Variants in MED31 observed in about 807,000 individuals in gnomAD.
MED31 encodes mediator of RNA polymerase II transcription subunit 31.
Under a neutral mutation model 22.0 loss-of-function variants are expected in MED31, and 11 were observed. The observed-to-expected ratio is 0.50, with a 90% CI of 0.31 to 0.83. The LOEUF (loss-of-function observed/expected upper bound fraction) is 0.83. MED31 is among the 40% of genes least tolerant of loss of function. The pLI, the probability that MED31 is intolerant of heterozygous loss-of-function variation, is 0.04. For synonymous variants in MED31, 60 were observed against 55.1 expected, an observed-to-expected ratio of 1.09 and a Z score of -0.40; for missense variants, 122 against 155.3, an observed-to-expected ratio of 0.79 and a Z score of 1.14.
intron 3 of MED31, among the ~76,000 whole-genome samples, chr17:6,647,516 AG>A (rs1421122836): frequency 6.6e-6 from 1 of 152,248 alleles, no homozygotes; most frequent in African/African-American, 2.4e-5. Flanking sequence ...GTGGGGCCTG[AG>A]CTCTGCATTT....
In MED31 at chr17:6,644,136, G is replaced by A. The variant is rs979708490; in HGVS notation, c.*331C>T. ...TATATGTCAGGAACAGCTAGCCTTA[G>A]AATTCAGTATACTTGGTGGCCCACC... is the stretch of plus-strand genomic sequence containing the variant. On this transcript the variant is annotated 3_prime_UTR_variant, in exon 4 of 4. Transcript: ENST00000225728. 16 of 421,558 alleles carry A rather than the reference G, an allele frequency of 3.8e-5. No homozygotes were observed. The highest frequency in any genetic ancestry group is 3.3e-4 in the African/African-American group (16 of 48,906). 26.1% of individuals were successfully genotyped at this position (421,558 alleles called of 1,614,324 possible). A position where few individuals can be genotyped will look rare whatever the true frequency, so the allele number is the denominator to read the frequency against.
intron 1 of MED31, among the ~76,000 whole-genome samples, chr17:6,651,095 T>C (rs1222217851): frequency 3.8e-5 from 4 of 106,560 alleles, no homozygotes; most frequent in East Asian, 2.5e-4. Flanking sequence ...CACCCCAGCC[T>C]GGGCGACAGA....
chr17:6,646,093 CTAAG>C (rs1168361791), intron 3 of MED31, among the ~76,000 whole-genome samples: 1 of 152,104 alleles, frequency 6.6e-6, no homozygotes, highest in Non-Finnish European at 1.5e-5. Flanking sequence ...TGAAAGGAGA[CTAAG>C]AAGACATGAC....
In MED31 at chr17:6,651,576, C is replaced by T; in HGVS notation, c.-48G>A. The T allele has an allele frequency of 1.2e-6, 2 of 1,612,892 alleles. No individual in the cohort carries two copies. The highest frequency in any genetic ancestry group is 1.7e-6 in the Non-Finnish European group (2 of 1,179,408). On this transcript the variant is annotated 5_prime_UTR_variant, in exon 1 of 4. Transcript: ENST00000225728. ...CCACCAGCCTGACAGAGCAAAAGCC[C>T]AGAGACGCGGGCGAAGTTCCGGAAA...
intron 3 of MED31, among the ~76,000 whole-genome samples, chr17:6,648,532 G>C (rs992415815): frequency 6.6e-6 from 1 of 152,150 alleles, no homozygotes; most frequent in Non-Finnish European, 1.5e-5. Context: ...ATTTGAAAGA[G>C]TAGCTGGAAA....
Position 6,650,402 on chromosome 17 carries a change from C to T in MED31, c.60G>A (p.Leu20=), listed in dbSNP as rs1447940928. 9.9e-6 allele frequency: 16 copies of T among 1,614,098 alleles called. No homozygotes were observed. The highest frequency in any genetic ancestry group is 1.4e-5 in the Non-Finnish European group (16 of 1,180,004). The stretch of plus-strand genomic sequence containing the variant: ...CTAAACATTGCACAAATTCCAACTC[C>T]AACTGAAACCGAAGTCGATTTCCAG... ...DDAGNRLRFQ[L]ELEFVQCLAN... The change falls in exon 2 of 4, where the codon TTG becomes TTA. Residue 20 remains leucine, a synonymous_variant. Transcript: ENST00000225728.
At chr17:6,647,254 T>C (rs933035269) in intron 3 of MED31, among the ~76,000 whole-genome samples, 2 of 152,332 alleles carry the variant, frequency 1.3e-5, no homozygotes, top group East Asian at 3.9e-4. Context: ...GCCGGTCCCC[T>C]GGGCCCACTG....
rs367692129 is a variant in MED31 at position 6,644,450 on chromosome 17, C to T, written c.*17G>A. On this transcript the variant is annotated 3_prime_UTR_variant, in exon 4 of 4. Transcript: ENST00000225728. Reference sequence around the variant, plus strand: ...CATTATATACATGTATTAAGTGCCTCGTTTGTATCCAGTTTTTCATTTTCC... The same window carrying T: ...CATTATATACATGTATTAAGTGCCTTGTTTGTATCCAGTTTTTCATTTTCC... 5 of 1,575,112 alleles carry T rather than the reference C, an allele frequency of 3.2e-6. No homozygotes were observed. In the South Asian group the frequency reaches 4.7e-5, roughly 15 times the overall value.
At chr17:6,650,205 A>T in intron 2 of MED31, 127 bp from the exon 3 acceptor site, 1 of 1,229,908 alleles carries the variant, frequency 8.1e-7, no homozygotes, top group African/African-American at 1.5e-5. Context: ...TTCAAAACAC[A>T]AGTCCCAGTA....
intron 1 of MED31, among the ~76,000 whole-genome samples, chr17:6,651,140 AGCACCAGTAGC>A (rs1972830640): frequency 6.6e-6 from 1 of 150,380 alleles, no homozygotes; most frequent in Admixed American, 6.6e-5. Flanking sequence ...AAAAAAAAGA[AGCACCAGTAGC>A]AGAATGATAC....
chr17:6,650,502 GA>G, intron 1 of MED31, 69 bp from the exon 2 acceptor site: 1 of 1,439,186 alleles, frequency 6.9e-7, no homozygotes, highest in South Asian at 1.2e-5. Flanking sequence ...TTGTAGTAAG[GA>G]AAGAGCAATA....
At chr17:6,648,409 T>C (rs1329799681) in intron 3 of MED31, among the ~76,000 whole-genome samples, 1 of 152,202 alleles carries the variant, frequency 6.6e-6, no homozygotes, top group Non-Finnish European at 1.5e-5. Context: ...GGCCAAGTGG[T>C]AGAAAGTGTC....
chr17:6,647,416 T>TG (rs1972780683), intron 3 of MED31, among the ~76,000 whole-genome samples: 1 of 152,198 alleles, frequency 6.6e-6, no homozygotes, highest in Non-Finnish European at 1.5e-5. Flanking sequence ...GACTAAAGTG[T>TG]GGAAAATAGG....
In MED31 at chr17:6,644,356, G is replaced by A. The variant is rs1469495771; in HGVS notation, c.*111C>T. On this transcript the variant is annotated 3_prime_UTR_variant, in exon 4 of 4. Coordinates refer to ENST00000225728, the MANE Select transcript of MED31 (RefSeq NM_016060.3). ...ATGAAAAAGCACACTAAAGGTTCTA[G>A]GGGCTACCATAATAAAGGTAGATAG... The A allele has an allele frequency of 7.8e-7, 1 of 1,284,228 alleles. No individual in the cohort carries two copies. Among genetic ancestry groups the A allele is most frequent in the African/African-American group, 1.5e-5 (1 of 66,622 alleles). 79.6% of individuals were successfully genotyped at this position (1,284,228 alleles called of 1,614,324 possible).
At chr17:6,649,609 A>T (rs1184648151) in intron 3 of MED31, among the ~76,000 whole-genome samples, 1 of 152,236 alleles carries the variant, frequency 6.6e-6, no homozygotes, top group Non-Finnish European at 1.5e-5. Flanking sequence ...CAGATCGTAT[A>T]AGGCTTTAGT....
Position 6,651,327 on chromosome 17 carries a change from T to A in MED31, c.28+174A>T, listed in dbSNP as rs142725320. ...AGCAAAGATGTGCGAACAAACCAAA[T>A]CAGGAAAACTGCAAAGAGTACCTTA... On this transcript the variant is annotated intron_variant, in intron 1 of 3. Coordinates refer to ENST00000225728, the MANE Select transcript of MED31 (RefSeq NM_016060.3). The A allele has an allele frequency of 1.8e-4, 159 of 904,246 alleles. 1 individual carries two copies. In the East Asian group the frequency reaches 2.4e-3, roughly 14 times the overall value. 56.0% of individuals were successfully genotyped at this position (904,246 alleles called of 1,614,324 possible).
At chr17:6,649,857 G>A in intron 3 of MED31, 125 bp downstream of exon 3, 1 of 963,628 alleles carries the variant, frequency 1.0e-6, no homozygotes, top group East Asian at 3.0e-5. Context: ...AGGGTGTCTT[G>A]TATTAAGACG....
chr17:6,649,914 T>A (rs1972811055), intron 3 of MED31, 68 bp downstream of exon 3: 1 of 1,393,496 alleles, frequency 7.2e-7, no homozygotes, highest in Non-Finnish European at 9.5e-7. Flanking sequence ...TTTTTGCCAA[T>A]GTGAAACTAA....
Position 6,650,338 on chromosome 17 carries a change from AG to A in MED31, c.106+17del. ...TCATTAATAGCTACTCAATTTAATG[AG>A]GTGCTTAACAACTTACAATTAAGGT... On this transcript the variant is annotated intron_variant, in intron 2 of 3. Transcript: ENST00000225728. The A allele has an allele frequency of 6.2e-7, 1 of 1,607,856 alleles. No homozygotes were observed. The highest frequency in any genetic ancestry group is 8.5e-7 in the Non-Finnish European group (1 of 1,175,520).
Sources: gnomAD v4.1 joint callset for allele counts (sites outside exome capture counted in the v4.1 genomes callset) on GRCh38, gnomAD v4.1.1 for gene constraint, MANE v1.5 for transcripts, NCBI Gene and HGNC (gene_info 2026-07-23, HGNC 2026-07-21) for gene names.